Variants in MGST1 observed in about 807,000 individuals in gnomAD.
The protein encoded by MGST1 is microsomal glutathione S-transferase 1.
A neutral mutation model predicts 8.9 loss-of-function variants in MGST1; 5 were observed. The ratio of observed to expected loss-of-function variants is 0.56; its 90% CI spans 0.29 to 1.19. The LOEUF (loss-of-function observed/expected upper bound fraction) is 1.19, where lower values mean the gene tolerates loss of function less well. Ranked by LOEUF, MGST1 falls within the 50% of genes most tolerant of loss-of-function variation. MGST1 has a pLI of 0.08. For missense variants in MGST1, 182 were observed against 187.4 expected (o/e 0.97, Z 0.17); for synonymous variants, 54 against 67.8 (o/e 0.80, Z 1.00).
chr12:16,459,677 G>A (rs1941204527), intron 4 of MGST1, among the ~76,000 whole-genome samples: 1 of 152,108 alleles, frequency 6.6e-6, no homozygotes, highest in Non-Finnish European at 1.5e-5. Context: ...AGGGAGTAAA[G>A]TAGAGAATCT....
intron 4 of MGST1, among the ~76,000 whole-genome samples, chr12:16,511,318 G>A (rs1030037710): frequency 6.6e-6 from 1 of 152,194 alleles, no homozygotes; most frequent in African/African-American, 2.4e-5. Context: ...TAATGCCCAT[G>A]ACTTTGGCCT....
rs570624955 is a variant in MGST1 at position 16,430,630 on chromosome 12, A to C, written n.779-6758A>C. Among the ~76,000 whole-genome samples the C allele has an allele frequency of 4.1e-3, 625 of 151,952 alleles. 2 individuals carry two copies. The highest frequency in any genetic ancestry group is 0.01 in the Middle Eastern group (3 of 294). On this transcript the variant is annotated intron_variant and non_coding_transcript_variant, in intron 1 of 1. Coordinates refer to the MGST1 transcript ENST00000359720. ...TGAAAGAAATTTTTTTTTTCTGAGC[A>C]GTAGGTCTTAACAGTGGACTTAAAA...
Position 16,400,799 on chromosome 12 carries a change from A to C in MGST1, n.778+17195A>C, listed in dbSNP as rs373238355. ...GTGAAAAGGTGTTGCAATGCCAAAC[A>C]CAGGCATTATTACAGTCTCATATTT... On this transcript the variant is annotated intron_variant and non_coding_transcript_variant, in intron 1 of 1. Coordinates refer to the MGST1 transcript ENST00000359720. 2.4e-6 allele frequency: 3 copies of C among 1,236,156 alleles called. No homozygotes were observed. In the East Asian group the frequency reaches 7.0e-5, roughly 29 times the overall value. 76.6% of individuals were successfully genotyped at this position (1,236,156 alleles called of 1,614,324 possible).
chr12:16,447,267 C>T (rs1287143539), intron 4 of MGST1, among the ~76,000 whole-genome samples: 2 of 151,860 alleles, frequency 1.3e-5, no homozygotes, highest in Non-Finnish European at 2.9e-5. Flanking sequence ...AGTCATTTAT[C>T]CAAATATGCT....
chr12:16,412,460 G>A (rs547764522), intron 1 of MGST1, among the ~76,000 whole-genome samples: 102 of 152,164 alleles, frequency 6.7e-4, no homozygotes, highest in Non-Finnish European at 1.2e-3. Flanking sequence ...TGCATAACAA[G>A]CATTTAGAGA....
At chr12:16,423,319 T>G (rs1940854297) in intron 1 of MGST1, among the ~76,000 whole-genome samples, 1 of 152,224 alleles carries the variant, frequency 6.6e-6, no homozygotes, top group East Asian at 1.9e-4. Flanking sequence ...TCTAGGTGTT[T>G]CTATTTTCTC....
chr12:16,400,879 T>C, intron 1 of MGST1: 4 of 1,171,568 alleles, frequency 3.4e-6, no homozygotes, highest in Non-Finnish European at 5.1e-6. Flanking sequence ...GCATCAGAGA[T>C]GGGTGTTTAT....
chr12:16,419,444 T>C (rs1940815211), intron 1 of MGST1, among the ~76,000 whole-genome samples: 1 of 152,120 alleles, frequency 6.6e-6, no homozygotes, highest in Non-Finnish European at 1.5e-5. Flanking sequence ...GAGAGATAGG[T>C]GCCTTTATTA....
At chr12:16,421,581 T>C (rs566314827) in intron 1 of MGST1, among the ~76,000 whole-genome samples, 54 of 152,302 alleles carry the variant, frequency 3.5e-4, no homozygotes, top group African/African-American at 1.2e-3. Context: ...TGTAGAATAA[T>C]CTCCTAATTC....
intron 4 of MGST1, among the ~76,000 whole-genome samples, chr12:16,470,217 A>C (rs967327070): frequency 3.3e-5 from 5 of 152,174 alleles, no homozygotes; most frequent in African/African-American, 4.8e-5. Flanking sequence ...TGCTAGAGTT[A>C]TTTGAGCTAA....
intron 4 of MGST1, among the ~76,000 whole-genome samples, chr12:16,535,629 T>C (rs990640844): frequency 3.3e-5 from 5 of 152,160 alleles, no homozygotes; most frequent in Non-Finnish European, 7.3e-5. Flanking sequence ...AAAGTTGCAG[T>C]TTTCATTAGA....
At chr12:16,538,314 A>G (rs907299795) in intron 4 of MGST1, among the ~76,000 whole-genome samples, 5 of 152,086 alleles carry the variant, frequency 3.3e-5, no homozygotes, top group African/African-American at 1.2e-4. Flanking sequence ...CATTTTTGTC[A>G]AAGCCATTCA....
chr12:16,568,893 TC>T (rs1942711899), intron 4 of MGST1, among the ~76,000 whole-genome samples: 1 of 152,116 alleles, frequency 6.6e-6, no homozygotes, highest in African/African-American at 2.4e-5. Context: ...CCTAGAAATC[TC>T]TCTTATAATG....
At chr12:16,398,333 A>T (rs1940624058) in intron 1 of MGST1, among the ~76,000 whole-genome samples, 1 of 152,216 alleles carries the variant, frequency 6.6e-6, no homozygotes, top group South Asian at 2.1e-4. Context: ...AGAAACTGTG[A>T]TAAATACAGG....
chr12:16,409,467 G>A lies in MGST1; in HGVS notation n.778+25863G>A, dbSNP rs563821649. ...AGACGTTCACCTGTGCATGCAGTGGGATTGTACCATAGGAGAGGATCGCTG... is the reference window on the plus strand; with the variant it reads ...AGACGTTCACCTGTGCATGCAGTGGAATTGTACCATAGGAGAGGATCGCTG... On this transcript the variant is annotated intron_variant and non_coding_transcript_variant, in intron 1 of 1. Coordinates refer to the MGST1 transcript ENST00000359720. Among the ~76,000 whole-genome samples the A allele has an allele frequency of 1.2e-3, 187 of 152,166 alleles. 1 individual carries two copies. The highest frequency in any genetic ancestry group is 2.3e-3 in the Non-Finnish European group (157 of 68,028).
chr12:16,448,851 A>T (rs1295681728), intron 4 of MGST1, among the ~76,000 whole-genome samples: 4 of 151,954 alleles, frequency 2.6e-5, no homozygotes, highest in African/African-American at 7.2e-5. Context: ...GAGATTCCAC[A>T]TGAAAGAGTG....
Position 16,537,732 on chromosome 12 carries a change from GC to G in MGST1, n.483-51794del, listed in dbSNP as rs902220434. ...AAACCATGAGCTGAGCTGTACCTTGGCCACTTTTAACAACAGCTGGAGCAGC... is the reference window on the plus strand; with the variant it reads ...AAACCATGAGCTGAGCTGTACCTTGGCACTTTTAACAACAGCTGGAGCAGC... On this transcript the variant is annotated intron_variant and non_coding_transcript_variant, in intron 4 of 4. Coordinates refer to the MGST1 transcript ENST00000538857. The surrounding 1 kb of genome is among the most constrained non-coding windows in gnomAD (Gnocchi z 4.6). Among the ~76,000 whole-genome samples, 29 of 152,306 alleles carry G rather than the reference GC, an allele frequency of 1.9e-4. No individual in the cohort carries two copies. Among genetic ancestry groups the G allele is most frequent in the African/African-American group, 6.3e-4 (26 of 41,582 alleles).
At chr12:16,474,795 G>A (rs1219688990) in intron 4 of MGST1, among the ~76,000 whole-genome samples, 4 of 152,166 alleles carry the variant, frequency 2.6e-5, no homozygotes, top group African/African-American at 9.7e-5. Context: ...TGATTCAGAA[G>A]CTAGTGTGTT....
chr12:16,488,004 A>T (rs1023929446), intron 4 of MGST1, among the ~76,000 whole-genome samples: 1 of 152,206 alleles, frequency 6.6e-6, no homozygotes, highest in African/African-American at 2.4e-5. Context: ...ACTATAAGGA[A>T]TTTGAAATAT....
Sources: allele counts gnomAD v4.1 joint callset (sites outside exome capture counted in the v4.1 genomes callset), GRCh38; gene constraint gnomAD v4.1.1; non-coding constraint Gnocchi (gnomAD v3.1); transcripts MANE v1.5; gene names NCBI Gene and HGNC (gene_info 2026-07-23, HGNC 2026-07-21).